The following GPATCH8 variants were observed in gnomAD, a reference collection of about 807,000 sequenced individuals.
GPATCH8 encodes G patch domain-containing protein 8.
In GPATCH8, 18 loss-of-function variants were observed where a neutral mutation model predicts 118.3. The ratio of observed to expected loss-of-function variants is 0.15; its 90% CI spans 0.11 to 0.23. The LOEUF (loss-of-function observed/expected upper bound fraction) is 0.23. GPATCH8 is among the 10% of genes least tolerant of loss of function. The probability of loss-of-function intolerance (pLI) is 1.00; values close to 1 mark genes in which losing one functional copy is unlikely to be tolerated. For missense variants in GPATCH8, 1,631 were observed against 1,873.8 expected, an observed-to-expected ratio of 0.87 and a Z score of 2.39; for synonymous variants, 659 against 684.7, an observed-to-expected ratio of 0.96 and a Z score of 0.59.
intron 3 of GPATCH8, among the ~76,000 whole-genome samples, chr17:44,456,087 GTGAT>G (rs2144227318): frequency 6.6e-6 from 1 of 152,180 alleles, no homozygotes; most frequent in East Asian, 1.9e-4. Flanking sequence ...AATATTTATA[GTGAT>G]TGATTGAGAC....
chr17:44,502,583 G>C (rs972231410), intron 1 of GPATCH8, among the ~76,000 whole-genome samples: 1 of 152,136 alleles, frequency 6.6e-6, no homozygotes, highest in African/African-American at 2.4e-5. Flanking sequence ...ATTGAAGAAA[G>C]AAAAATCAAG....
At chr17:44,417,863 T>C (rs2049745293) in intron 6 of GPATCH8, among the ~76,000 whole-genome samples, 1 of 152,184 alleles carries the variant, frequency 6.6e-6, no homozygotes, top group Admixed American at 6.5e-5. Context: ...TATGTTGAAA[T>C]GTAGGCCCAA....
chr17:44,482,129 A>G (rs1968302780), intron 1 of GPATCH8, among the ~76,000 whole-genome samples: 4 of 151,726 alleles, frequency 2.6e-5, no homozygotes, highest in Admixed American at 6.6e-5. Context: ...CTCAAAAATA[A>G]ATAACCCCAT....
intron 2 of GPATCH8, among the ~76,000 whole-genome samples, chr17:44,471,299 TC>T (rs1400970316): frequency 6.6e-6 from 1 of 152,230 alleles, no homozygotes; most frequent in Non-Finnish European, 1.5e-5. Context: ...AATCTAAGCT[TC>T]GGAAGTTCAC....
chr17:44,405,628 C>T (rs2049191563), intron 7 of GPATCH8, among the ~76,000 whole-genome samples: 2 of 152,090 alleles, frequency 1.3e-5, no homozygotes, highest in East Asian at 1.9e-4. Context: ...CCTCAGCCTC[C>T]AGAGTAGCTG....
In GPATCH8 at chr17:44,455,654, GA is replaced by G. The variant is rs942757484; in HGVS notation, c.193+8817del. On this transcript the variant is annotated intron_variant, in intron 3 of 7. Coordinates refer to ENST00000591680, the MANE Select transcript of GPATCH8 (RefSeq NM_001002909.4). Reference sequence around the variant, plus strand: ...CTTTTTATAAAGGAAAACATGAATTGAAAAGGGAAAGTAAGATAGAAAGACA... The same window carrying G: ...CTTTTTATAAAGGAAAACATGAATTGAAAGGGAAAGTAAGATAGAAAGACA... 9.6e-4 allele frequency among the ~76,000 whole-genome samples: 146 copies of G among 152,202 alleles called. 1 individual carries two copies. The highest frequency in any genetic ancestry group is 3.4e-3 in the African/African-American group (140 of 41,536).
rs1299375166 is a variant in GPATCH8 at position 44,395,349 on chromosome 17, A to C, written c.*2219T>G. On this transcript the variant is annotated 3_prime_UTR_variant, in exon 8 of 8. Transcript: ENST00000591680. ...TTTACAGCATATATATCTCTATCAT[A>C]TGTGATAAAGTTAAATACAATCTGT... 1 of 441,672 alleles carries C rather than the reference A, an allele frequency of 2.3e-6. No individual in the cohort carries two copies. The highest frequency in any genetic ancestry group is 2.5e-5 in the Admixed American group (1 of 39,584). The allele number at this position is 441,672 out of a possible 1,614,324, so 27.4% of individuals were successfully genotyped here. A position where few individuals can be genotyped will look rare whatever the true frequency, so the allele number is the denominator to read the frequency against.
chr17:44,463,991 C>T (rs1172222391), intron 3 of GPATCH8, among the ~76,000 whole-genome samples: 2 of 152,134 alleles, frequency 1.3e-5, no homozygotes, highest in African/African-American at 4.8e-5. Flanking sequence ...TTTTTCTTCT[C>T]TACCACTACA....
rs79158339 is a variant in GPATCH8, at chr17:44,447,619, C to CT, written c.194-11075dup. Among the ~76,000 whole-genome samples the CT allele has an allele frequency of 4.7e-3, 669 of 141,604 alleles. 3 individuals are homozygous for CT. Among genetic ancestry groups the CT allele is most frequent in the African/African-American group, 6.7e-3 (261 of 38,800 alleles). 92.9% of individuals were successfully genotyped at this position (141,604 alleles called of 152,430 possible). A position where few individuals can be genotyped will look rare whatever the true frequency, so the allele number is the denominator to read the frequency against. ...TGCAAAATGAAAATATTATCACCAC[C>CT]TTTTTTTTTTTTTTTTTAAGACAGG... is the stretch of plus-strand genomic sequence containing the variant. On this transcript the variant is annotated intron_variant, in intron 3 of 7. Coordinates refer to ENST00000591680, the MANE Select transcript of GPATCH8 (RefSeq NM_001002909.4).
At position 44,436,459 on chromosome 17, in the gene GPATCH8, G is replaced by A. The variant is rs531290148; in HGVS notation, c.261+19C>T. On this transcript the variant is annotated intron_variant, in intron 4 of 7. Transcript: ENST00000591680. ...TCAAAATATCTCACAAAACTTATGA[G>A]TTAATGAGATCAATTTACCTCCATT... The A allele has an allele frequency of 5.6e-6, 6 of 1,068,026 alleles. No homozygotes were observed. The East Asian group carries it at 1.4e-4, about 25-fold the overall frequency. 66.2% of individuals were successfully genotyped at this position (1,068,026 alleles called of 1,614,324 possible). A position where few individuals can be genotyped will look rare whatever the true frequency, so the allele number is the denominator to read the frequency against.
At position 44,399,599 on chromosome 17, in the gene GPATCH8, G is replaced by A; in HGVS notation, c.2478C>T (p.His826=). The A allele has an allele frequency of 6.2e-7, 1 of 1,614,170 alleles. No homozygotes were observed. The highest frequency in any genetic ancestry group is 1.1e-5 in the South Asian group (1 of 91,086). ...GDEDSDDASS[H]RLHQKSPSQY... ...GGGATGGAGACTTCTGGTGCAGCCGGTGTGAGGAAGCATCATCACTATCCT... is the reference window on the plus strand; with the variant it reads ...GGGATGGAGACTTCTGGTGCAGCCGATGTGAGGAAGCATCATCACTATCCT... The change falls in exon 8 of 8, where the codon CAC becomes CAT. Residue 826 remains histidine (H), a synonymous_variant. Transcript: ENST00000591680.
Position 44,399,591 on chromosome 17 carries a change from T to C in GPATCH8, c.2486A>G (p.His829Arg). ...ACTGTACTGGGATGGAGACTTCTGG[T>C]GCAGCCGGTGTGAGGAAGCATCATC... ...DSDDASSHRL[H>R]QKSPSQYSEE... is the part of the protein sequence containing the mutation. Residue 829 changes from histidine (H) to arginine (R), a missense_variant, in exon 8 of 8, where the codon CAC (histidine) becomes CGC (arginine). Physicochemically the swap from His to Arg is conservative, Grantham distance 29. Around this residue, in one of 8 missense-constraint regions of GPATCH8, gnomAD observed 922 missense variants for 879.7 expected, o/e 1.05. Transcript: ENST00000591680. 6.2e-7 allele frequency: 1 copy of C among 1,614,202 alleles called. No individual in the cohort carries two copies. The highest frequency in any genetic ancestry group is 8.5e-7 in the Non-Finnish European group (1 of 1,180,040).
chr17:44,407,366 T>A (rs1413985829), intron 6 of GPATCH8: 2 of 151,880 alleles, frequency 1.3e-5, no homozygotes, highest in African/African-American at 2.4e-5. Context: ...GCTCTCTTAG[T>A]GAATCTGTAA....
intron 3 of GPATCH8, among the ~76,000 whole-genome samples, chr17:44,452,886 A>C (rs2051169278): frequency 6.6e-6 from 1 of 151,192 alleles, no homozygotes; most frequent in Admixed American, 6.6e-5. Flanking sequence ...GTGCAGTGGC[A>C]TGATCTCAGC....
chr17:44,418,799 CAT>C (rs2049787446), intron 6 of GPATCH8, among the ~76,000 whole-genome samples: 1 of 152,140 alleles, frequency 6.6e-6, no homozygotes, highest in South Asian at 2.1e-4. Flanking sequence ...AGAATTAACT[CAT>C]GTAAAAAGGA....
chr17:44,483,143 A>C (rs1396258068), intron 1 of GPATCH8, among the ~76,000 whole-genome samples: 1 of 80,136 alleles, frequency 1.2e-5, no homozygotes, highest in African/African-American at 4.9e-5. Flanking sequence ...CGAAAGAGTG[A>C]GACTCCGTCT....
intron 3 of GPATCH8, among the ~76,000 whole-genome samples, chr17:44,455,513 T>G (rs1006318322): frequency 1.3e-5 from 2 of 150,552 alleles, no homozygotes; most frequent in Non-Finnish European, 3.0e-5. Flanking sequence ...AAAAAAAAAA[T>G]TAAAAAAAAT....
At chr17:44,442,118 TATATAGAGAG>T (rs1053306051) in intron 3 of GPATCH8, among the ~76,000 whole-genome samples, 4 of 140,912 alleles carry the variant, frequency 2.8e-5, no homozygotes, top group African/African-American at 5.3e-5. Flanking sequence ...CATATATATA[TATATAGAGAG>T]AGAGAGAGAG....
chr17:44,425,662 T>TG (rs2050064866), intron 5 of GPATCH8, among the ~76,000 whole-genome samples: 1 of 152,030 alleles, frequency 6.6e-6, no homozygotes, highest in Admixed American at 6.6e-5. Flanking sequence ...CCAAGTATCT[T>TG]GGACTATAGG....
Sources: gnomAD v4.1 joint callset for allele counts (sites outside exome capture counted in the v4.1 genomes callset) on GRCh38, gnomAD v4.1.1 for gene constraint, gnomAD v4.1.1 regional missense constraint, MANE v1.5 for transcripts, NCBI Gene and HGNC (gene_info 2026-07-23, HGNC 2026-07-21) for gene names.